Variants in EPHA6 observed in about 807,000 individuals in gnomAD.
EPHA6 encodes EPH receptor A6, also known as ephrin type-A receptor 6.
EPHA6 carries 50 observed loss-of-function variants against 112.0 expected under a neutral mutation model. The observed-to-expected ratio is 0.45, with a 90% CI of 0.36 to 0.56. EPHA6 has a LOEUF of 0.56. EPHA6 is among the 20% of genes least tolerant of loss of function. EPHA6 has a pLI of 0.00. For synonymous variants in EPHA6, 529 were observed against 490.7 expected (o/e 1.08, Z -1.03); for missense variants, 1,280 against 1,417.4 (o/e 0.90, Z 1.56).
At chr3:96,876,273 G>A (rs1258039588) in intron 2 of EPHA6, among the ~76,000 whole-genome samples, 1 of 151,316 alleles carries the variant, frequency 6.6e-6, no homozygotes, top group Admixed American at 6.6e-5. Flanking sequence ...TCTATTTTAA[G>A]TGATAAATTT....
intron 13 of EPHA6, among the ~76,000 whole-genome samples, chr3:97,611,182 G>T (rs2093717147): frequency 6.6e-6 from 1 of 151,598 alleles, no homozygotes; most frequent in Admixed American, 6.6e-5. Context: ...CATTAATTTT[G>T]CTTTATCACA....
At chr3:97,084,922 T>C (rs995767610) in intron 3 of EPHA6, among the ~76,000 whole-genome samples, 1 of 152,146 alleles carries the variant, frequency 6.6e-6, no homozygotes, top group Non-Finnish European at 1.5e-5. Context: ...TACTTGTGAG[T>C]CAAGAATAAT....
chr3:97,161,283 A>G (rs543824029), intron 3 of EPHA6, among the ~76,000 whole-genome samples: 1 of 152,260 alleles, frequency 6.6e-6, no homozygotes, highest in East Asian at 1.9e-4. Context: ...TAGATGATGC[A>G]ATGGTTTTGC....
At chr3:97,678,300 AC>A in intron 14 of EPHA6, among the ~76,000 whole-genome samples, 1 of 152,268 alleles carries the variant, frequency 6.6e-6, no homozygotes, top group Admixed American at 6.5e-5. Context: ...CTCAAAGAAA[AC>A]TTCATTTTTG....
chr3:96,831,637 A>G (rs998986088), intron 1 of EPHA6, among the ~76,000 whole-genome samples: 4 of 151,938 alleles, frequency 2.6e-5, no homozygotes, highest in African/African-American at 4.8e-5. Flanking sequence ...GGCTTGTCAC[A>G]TAGGTATATT....
At chr3:97,212,323 A>C (rs2077899541) in intron 3 of EPHA6, among the ~76,000 whole-genome samples, 1 of 152,200 alleles carries the variant, frequency 6.6e-6, no homozygotes. Context: ...CTGGGAATAT[A>C]ACATTAAGTA....
intron 2 of EPHA6, among the ~76,000 whole-genome samples, chr3:96,896,881 T>G (rs929374423): frequency 2.0e-5 from 3 of 152,142 alleles, no homozygotes; most frequent in African/African-American, 7.2e-5. Context: ...TCTGTTTAAA[T>G]TTTTAGAAAC....
chr3:97,464,322 C>T (rs1462296306), intron 7 of EPHA6, among the ~76,000 whole-genome samples: 1 of 151,962 alleles, frequency 6.6e-6, no homozygotes, highest in African/African-American at 2.4e-5. Flanking sequence ...AGAGACAGGG[C>T]TGAACAGATA....
intron 5 of EPHA6, among the ~76,000 whole-genome samples, chr3:97,271,149 T>C (rs970083150): frequency 1.3e-5 from 2 of 152,328 alleles, no homozygotes; most frequent in African/African-American, 4.8e-5. Flanking sequence ...ATGCTGTAAT[T>C]ACACCAGTAC....
chr3:97,742,720 T>A (rs2035561013), intron 16 of EPHA6, among the ~76,000 whole-genome samples: 1 of 152,146 alleles, frequency 6.6e-6, no homozygotes, highest in African/African-American at 2.4e-5. Context: ...TCATAGCCCT[T>A]TGAGTAAAAT....
chr3:97,578,440 T>A (rs986273292), intron 11 of EPHA6, among the ~76,000 whole-genome samples: 1 of 152,212 alleles, frequency 6.6e-6, no homozygotes, highest in Non-Finnish European at 1.5e-5. Flanking sequence ...CACTCACTGA[T>A]CACATAGCTT....
At chr3:96,868,639 G>T (rs2036462419) in intron 2 of EPHA6, among the ~76,000 whole-genome samples, 1 of 151,750 alleles carries the variant, frequency 6.6e-6, no homozygotes, top group South Asian at 2.1e-4. Flanking sequence ...TAATTCAATT[G>T]ATTTTACAAA....
chr3:97,508,334 C>T (rs2092296711), intron 10 of EPHA6, among the ~76,000 whole-genome samples: 1 of 152,232 alleles, frequency 6.6e-6, no homozygotes, highest in East Asian at 1.9e-4. Context: ...ACTGCTTTAG[C>T]TGTGTACTAG....
At chr3:97,229,456 A>G (rs1437517387) in intron 4 of EPHA6, among the ~76,000 whole-genome samples, 1 of 152,110 alleles carries the variant, frequency 6.6e-6, no homozygotes, top group Non-Finnish European at 1.5e-5. Context: ...TTGTCCCAGC[A>G]CCATTTATTG....
At chr3:97,185,953 A>G (rs1313948211) in intron 3 of EPHA6, among the ~76,000 whole-genome samples, 1 of 151,556 alleles carries the variant, frequency 6.6e-6, no homozygotes, top group South Asian at 2.1e-4. Flanking sequence ...TGAGCAAACT[A>G]TCACAAGGAC....
At chr3:97,282,786 T>C (rs1361571190) in intron 5 of EPHA6, among the ~76,000 whole-genome samples, 1 of 152,044 alleles carries the variant, frequency 6.6e-6, no homozygotes, top group African/African-American at 2.4e-5. Flanking sequence ...AGCTGAACAA[T>C]GACAACACAT....
intron 3 of EPHA6, among the ~76,000 whole-genome samples, chr3:97,023,963 A>G (rs1245191161): frequency 6.6e-6 from 1 of 152,190 alleles, no homozygotes; most frequent in Non-Finnish European, 1.5e-5. Flanking sequence ...CTTATTCCTC[A>G]CAGAATTCAC....
At chr3:97,495,831 T>A (rs2091963228) in intron 10 of EPHA6, among the ~76,000 whole-genome samples, 1 of 152,196 alleles carries the variant, frequency 6.6e-6, no homozygotes, top group Admixed American at 6.6e-5. Flanking sequence ...CTTTATAGAA[T>A]CTCTGATCAA....
chr3:96,829,949 G>A (rs199638273), intron 1 of EPHA6, among the ~76,000 whole-genome samples: 256 of 136,044 alleles, frequency 1.9e-3, no homozygotes, highest in East Asian at 7.0e-3. Context: ...GCGCGCGCGC[G>A]CACACACACA....
Sources: gnomAD v4.1 joint callset for allele counts (sites outside exome capture counted in the v4.1 genomes callset) on GRCh38, gnomAD v4.1.1 for gene constraint, MANE v1.5 for transcripts, NCBI Gene and HGNC (gene_info 2026-07-23, HGNC 2026-07-21) for gene names.